Variants in HP1BP3 observed in about 807,000 individuals in gnomAD.
The protein encoded by HP1BP3 is heterochromatin protein 1-binding protein 3.
In HP1BP3, 12 loss-of-function variants were observed where a neutral mutation model predicts 62.5. That is an observed-to-expected ratio of 0.19 (90% CI 0.12 to 0.31). The LOEUF (loss-of-function observed/expected upper bound fraction) is 0.31, where lower values mean the gene tolerates loss of function less well. Ranked by LOEUF, HP1BP3 falls within the 10% of genes least tolerant of loss-of-function variation. The pLI, the probability that HP1BP3 is intolerant of heterozygous loss-of-function variation, is 1.00. For synonymous variants in HP1BP3, 260 were observed against 237.8 expected, an observed-to-expected ratio of 1.09 and a Z score of -0.86; for missense variants, 502 against 651.8, an observed-to-expected ratio of 0.77 and a Z score of 2.50.
At chr1:20,769,444 G>A (rs534475026) in intron 6 of HP1BP3, among the ~76,000 whole-genome samples, 2 of 152,152 alleles carry the variant, frequency 1.3e-5, no homozygotes, top group Non-Finnish European at 2.9e-5. Flanking sequence ...TATAGTCCCA[G>A]GTACTCGGGA....
In HP1BP3 at chr1:20,780,772, G is replaced by C. The variant is rs181278034; in HGVS notation, c.-100-232C>G. 1.5e-4 allele frequency among the ~76,000 whole-genome samples: 23 copies of C among 152,192 alleles called. No individual in the cohort carries two copies. The East Asian group carries it at 3.1e-3, about 20-fold the overall frequency. ...CTGTTGCACCTTCCACATGAACAAAGACAACAAGGGCAAGGAAGCTCCTAA... is the reference window on the plus strand; with the variant it reads ...CTGTTGCACCTTCCACATGAACAAACACAACAAGGGCAAGGAAGCTCCTAA... On this transcript the variant is annotated intron_variant, in intron 1 of 12. Coordinates refer to ENST00000438032, the MANE Select transcript of HP1BP3 (RefSeq NM_001372052.1).
intron 5 of HP1BP3, among the ~76,000 whole-genome samples, chr1:20,772,112 GA>G (rs1453042891): frequency 6.6e-6 from 1 of 152,118 alleles, no homozygotes; most frequent in Non-Finnish European, 1.5e-5. Context: ...AAGCAGAAAA[GA>G]ACACTAATGC....
In HP1BP3 at chr1:20,779,862, C is replaced by T. The variant is rs775422555; in HGVS notation, c.146G>A (p.Arg49Gln). 3 of 1,613,400 alleles carry T rather than the reference C, an allele frequency of 1.9e-6. No homozygotes were observed. The highest frequency in any genetic ancestry group is 2.2e-5 in the South Asian group (2 of 90,932). Residue 49 changes from arginine to glutamine, a missense_variant, in exon 3 of 13, where the codon CGG becomes CAG. Arg to Gln is a conservative substitution (Grantham distance 43, BLOSUM62 1). Around this residue, in one of 5 missense-constraint regions of HP1BP3, gnomAD observed 165 missense variants for 156.4 expected, o/e 1.05. Coordinates refer to ENST00000438032, the MANE Select transcript of HP1BP3 (RefSeq NM_001372052.1). The part of the protein sequence containing the change: ...MPIRRTVNST[R>Q]ETPPKSKLAE... ...AAGCTTGCTTTTGGGAGGAGTTTCC[C>T]GGGTAGAATTCACAGTTCGACGAAT...
chr1:20,758,078 G>A (rs10916857), intron 8 of HP1BP3, among the ~76,000 whole-genome samples: 62,307 of 151,882 alleles, frequency 0.41, 13,065 homozygotes, highest in African/African-American at 0.43. Context: ...CCCGGGAGGC[G>A]GAGGTTGCAG....
chr1:20,750,007 T>C (rs2055607874), intron 9 of HP1BP3, 125 bp from the exon 10 acceptor site: 2 of 1,458,330 alleles, frequency 1.4e-6, no homozygotes, highest in Non-Finnish European at 1.8e-6. Context: ...TTACAATAAA[T>C]TGTCAGCTTA....
intron 11 of HP1BP3, 139 bp downstream of exon 11, chr1:20,747,405 T>G: frequency 1.6e-6 from 1 of 607,108 alleles, no homozygotes; most frequent in Non-Finnish European, 2.9e-6. Context: ...CGGGCAGTTC[T>G]GTAACCAATC....
chr1:20,762,647 A>C (rs1453792549), intron 8 of HP1BP3, among the ~76,000 whole-genome samples: 1 of 152,094 alleles, frequency 6.6e-6, no homozygotes, highest in Non-Finnish European at 1.5e-5. Context: ...AAATAATGAA[A>C]TTCTTTGTCT....
rs35710978 is a variant in HP1BP3, at chr1:20,746,186, ATGTGTGTGTG to A, written c.1254-540_1254-531del. On this transcript the variant is annotated intron_variant, in intron 11 of 12. Coordinates refer to ENST00000438032, the MANE Select transcript of HP1BP3 (RefSeq NM_001372052.1). Reference sequence around the variant, plus strand: ...CTTAAATGATAACATACATACATATATGTGTGTGTGTGTGTGTGTGTGTGTGTGTGTGTGT... The same window carrying A: ...CTTAAATGATAACATACATACATATATGTGTGTGTGTGTGTGTGTGTGTGT... Among the ~76,000 whole-genome samples, 80 of 143,246 alleles carry A rather than the reference ATGTGTGTGTG, an allele frequency of 5.6e-4. 1 individual carries two copies. Among genetic ancestry groups the A allele is most frequent in the Admixed American group, 7.0e-4 (10 of 14,292 alleles). The allele number at this position is 143,246 out of a possible 152,430, so 94.0% of individuals were successfully genotyped here.
At chr1:20,782,414 TA>T (rs1002776442) in intron 1 of HP1BP3, among the ~76,000 whole-genome samples, 65 of 143,682 alleles carry the variant, frequency 4.5e-4, no homozygotes, top group African/African-American at 4.3e-4. Context: ...ACGTTGTCTC[TA>T]AAAAAAAAAA....
intron 6 of HP1BP3, among the ~76,000 whole-genome samples, chr1:20,768,193 TC>T (rs2056878206): frequency 6.6e-6 from 1 of 152,216 alleles, no homozygotes; most frequent in Non-Finnish European, 1.5e-5. Context: ...ATGCCTGTAA[TC>T]CCAGCACTTT....
intron 1 of HP1BP3, 51 bp from the exon 2 acceptor site, chr1:20,780,591 C>A: frequency 5.1e-6 from 3 of 588,408 alleles, no homozygotes; most frequent in South Asian, 2.3e-5. Flanking sequence ...CAAAACTAAA[C>A]TAAAACGTCT....
At chr1:20,755,428 C>T (rs775648981) in intron 9 of HP1BP3, 3 of 449,286 alleles carry the variant, frequency 6.7e-6, no homozygotes, top group Non-Finnish European at 1.3e-5. Context: ...AAAAATTAAT[C>T]AGGCATGGTG....
intron 2 of HP1BP3, among the ~76,000 whole-genome samples, 176 bp from the exon 3 acceptor site, chr1:20,780,087 CT>C (rs1473636996): frequency 6.6e-6 from 1 of 152,046 alleles, no homozygotes. Context: ...TTAAGATACA[CT>C]TTTTAAAGTA....
chr1:20,765,570 C>T (rs766445948), intron 7 of HP1BP3, 39 bp from the exon 8 acceptor site: 46 of 1,534,788 alleles, frequency 3.0e-5, no homozygotes, highest in African/African-American at 5.5e-5. Context: ...CATTATAGAA[C>T]GTAAATGTTT....
At chr1:20,770,847 C>A in intron 6 of HP1BP3, 83 bp downstream of exon 6, 1 of 1,018,214 alleles carries the variant, frequency 9.8e-7, no homozygotes, top group Non-Finnish European at 1.4e-6. Flanking sequence ...ACAAAAAAGG[C>A]ACAAAAAGCC....
intron 5 of HP1BP3, 54 bp from the exon 6 acceptor site, chr1:20,771,127 T>G: frequency 7.7e-7 from 1 of 1,307,118 alleles, no homozygotes; most frequent in Admixed American, 2.5e-5. Flanking sequence ...GAGCCTGACA[T>G]ATATTTTCAA....
At chr1:20,749,186 C>T (rs1325154938) in intron 10 of HP1BP3, among the ~76,000 whole-genome samples, 2 of 152,020 alleles carry the variant, frequency 1.3e-5, no homozygotes, top group Non-Finnish European at 2.9e-5. Flanking sequence ...AAAATCTTTA[C>T]AGTAAAAGCA....
In HP1BP3 at chr1:20,744,671, T is replaced by TC. The variant is rs764277306; in HGVS notation, c.*125dup. ...CCTAAACTGGTTTATTTAGAGTCCC[T>TC]CCCCACAATGTTCATAGGGGAGGAA... On this transcript the variant is annotated 3_prime_UTR_variant, in exon 13 of 13. Coordinates refer to ENST00000438032, the MANE Select transcript of HP1BP3 (RefSeq NM_001372052.1). 2 of 889,764 alleles carry TC rather than the reference T, an allele frequency of 2.2e-6. No individual in the cohort carries two copies. The highest frequency in any genetic ancestry group is 2.5e-5 in the East Asian group (1 of 39,456). The allele number at this position is 889,764 out of a possible 1,614,324, so 55.1% of individuals were successfully genotyped here.
chr1:20,758,038 C>T (rs1199987794), intron 8 of HP1BP3, among the ~76,000 whole-genome samples: 2 of 151,970 alleles, frequency 1.3e-5, no homozygotes, highest in Non-Finnish European at 2.9e-5. Flanking sequence ...CCCAGCTACT[C>T]AGGAGGCTGA....
Sources: allele counts gnomAD v4.1 joint callset (sites outside exome capture counted in the v4.1 genomes callset), GRCh38; gene constraint gnomAD v4.1.1; regional missense constraint gnomAD v4.1.1; transcripts MANE v1.5; gene names NCBI Gene and HGNC (gene_info 2026-07-23, HGNC 2026-07-21).